The following RHBDD1 variants were observed in gnomAD, a reference collection of about 807,000 sequenced individuals.
RHBDD1 encodes the protein rhomboid-related protein 4.
Under a neutral mutation model 36.3 loss-of-function variants are expected in RHBDD1, and 38 were observed. That is an observed-to-expected ratio of 1.05 (90% CI 0.81 to 1.37). The LOEUF (loss-of-function observed/expected upper bound fraction) is 1.37. Ranked by LOEUF, RHBDD1 falls within the 40% of genes most tolerant of loss-of-function variation. The pLI is 0.00. For synonymous variants in RHBDD1, 151 were observed against 136.5 expected (o/e 1.11, Z -0.74); for missense variants, 393 against 377.6 (o/e 1.04, Z -0.34).
At chr2:226,824,179 TGA>T in the RHBDD1 span, among the ~76,000 whole-genome samples, 3 of 152,038 alleles carry the variant, frequency 2.0e-5, no homozygotes, top group African/African-American at 7.3e-5. Context: ...TACACACATA[TGA>T]GAGAGAATAT....
intron 8 of RHBDD1, among the ~76,000 whole-genome samples, chr2:226,942,812 C>A (rs867129275): frequency 3.9e-5 from 6 of 151,928 alleles, no homozygotes; most frequent in Middle Eastern, 3.4e-3. Context: ...TAATAGTTTT[C>A]CTTTTAGAAA....
At chr2:226,912,262 GA>G (rs1381846504) in intron 7 of RHBDD1, among the ~76,000 whole-genome samples, 1 of 152,110 alleles carries the variant, frequency 6.6e-6, no homozygotes, top group Non-Finnish European at 1.5e-5. Flanking sequence ...TGTAGGAATA[GA>G]AAATGGTACA....
At chr2:226,988,013 G>A (rs1482014203) in intron 8 of RHBDD1, among the ~76,000 whole-genome samples, 2 of 152,192 alleles carry the variant, frequency 1.3e-5, no homozygotes, top group African/African-American at 4.8e-5. Flanking sequence ...AAAAAGCTGA[G>A]AATGGGAGAA....
At chr2:226,937,907 G>A (rs1157762449) in intron 8 of RHBDD1, among the ~76,000 whole-genome samples, 2 of 152,122 alleles carry the variant, frequency 1.3e-5, no homozygotes, top group Non-Finnish European at 1.5e-5. Flanking sequence ...GAACATACAC[G>A]TGCATGTGTT....
chr2:226,902,126 C>T (rs1364418956), intron 5 of RHBDD1, among the ~76,000 whole-genome samples: 2 of 152,182 alleles, frequency 1.3e-5, no homozygotes, highest in African/African-American at 4.8e-5. Flanking sequence ...TTCCTAGTTG[C>T]AGGATTGTCC....
chr2:226,823,923 A>T, the RHBDD1 span, among the ~76,000 whole-genome samples: 1 of 152,190 alleles, frequency 6.6e-6, no homozygotes, highest in Non-Finnish European at 1.5e-5. Context: ...ACACTAATGT[A>T]TTCATGAAGG....
At chr2:226,829,723 A>G in the RHBDD1 span, among the ~76,000 whole-genome samples, 1 of 152,024 alleles carries the variant, frequency 6.6e-6, no homozygotes, top group Non-Finnish European at 1.5e-5. Flanking sequence ...AAACTTATTA[A>G]TTTTAGTAGT....
At chr2:226,878,336 T>A (rs529458423) in intron 5 of RHBDD1, among the ~76,000 whole-genome samples, 1 of 152,306 alleles carries the variant, frequency 6.6e-6, no homozygotes, top group Admixed American at 6.5e-5. Flanking sequence ...ATTTAGAAGA[T>A]AACTGTAACA....
intron 3 of RHBDD1, among the ~76,000 whole-genome samples, chr2:226,841,896 A>G (rs1574741859): frequency 6.6e-6 from 1 of 152,282 alleles, no homozygotes; most frequent in East Asian, 1.9e-4. Context: ...TGGTTGAACT[A>G]ACTTATACTT....
At chr2:226,925,740 T>C (rs1949623346) in intron 8 of RHBDD1, among the ~76,000 whole-genome samples, 1 of 152,244 alleles carries the variant, frequency 6.6e-6, no homozygotes, top group Non-Finnish European at 1.5e-5. Context: ...GAAACTAGTT[T>C]CGTGTGCTGT....
At chr2:226,851,286 C>T (rs941174579) in intron 3 of RHBDD1, among the ~76,000 whole-genome samples, 2 of 151,742 alleles carry the variant, frequency 1.3e-5, no homozygotes, top group African/African-American at 4.8e-5. Context: ...TGTGTGGGTT[C>T]TAAACACATA....
At chr2:226,886,275 A>G (rs576323516) in intron 5 of RHBDD1, among the ~76,000 whole-genome samples, 28 of 152,286 alleles carry the variant, frequency 1.8e-4, no homozygotes, top group African/African-American at 6.7e-4. Context: ...CTCAATAAAT[A>G]TTTGTTGAAT....
intron 3 of RHBDD1, among the ~76,000 whole-genome samples, chr2:226,853,349 G>A (rs757421372): frequency 6.6e-6 from 1 of 152,188 alleles, no homozygotes; most frequent in Non-Finnish European, 1.5e-5. Flanking sequence ...TAGAATTTTA[G>A]AAGATTTTTA....
chr2:226,948,564 T>TA (rs56325989), intron 8 of RHBDD1, among the ~76,000 whole-genome samples: 4,013 of 23,008 alleles, frequency 0.17, 155 homozygotes, highest in Non-Finnish European at 0.22. Flanking sequence ...ACTTAAAGTA[T>TA]AAAAAAAAAA....
intron 5 of RHBDD1, among the ~76,000 whole-genome samples, chr2:226,891,360 C>A (rs1946672869): frequency 6.6e-6 from 1 of 152,214 alleles, no homozygotes; most frequent in Admixed American, 6.5e-5. Context: ...CAATGTGGTA[C>A]CTTCCTTCAG....
At chr2:226,878,981 G>A (rs1945476689) in intron 5 of RHBDD1, among the ~76,000 whole-genome samples, 1 of 148,384 alleles carries the variant, frequency 6.7e-6, no homozygotes, top group Non-Finnish European at 1.5e-5. Context: ...CACCCATCAA[G>A]TAAGAGAGTT....
At chr2:226,907,048 A>G (rs751912451) in intron 6 of RHBDD1, 167 bp downstream of exon 6, 7 of 696,606 alleles carry the variant, frequency 1.0e-5, no homozygotes, top group East Asian at 2.7e-5. Context: ...AGTTCCTTAC[A>G]TTGCTCCACA....
chr2:226,905,744 G>A (rs568475698), intron 5 of RHBDD1, among the ~76,000 whole-genome samples: 1 of 152,254 alleles, frequency 6.6e-6, no homozygotes, highest in African/African-American at 2.4e-5. Context: ...GCCCAACACT[G>A]GGCATTTCCA....
chr2:226,858,893 G>A (rs748332998), intron 3 of RHBDD1, among the ~76,000 whole-genome samples: 3 of 152,038 alleles, frequency 2.0e-5, no homozygotes, highest in Admixed American at 6.5e-5. Flanking sequence ...TAATTAAAAT[G>A]CTATTTTTTG....
Sources: gnomAD v4.1 joint callset for allele counts (sites outside exome capture counted in the v4.1 genomes callset) on GRCh38, gnomAD v4.1.1 for gene constraint, MANE v1.5 for transcripts, NCBI Gene and HGNC (gene_info 2026-07-23, HGNC 2026-07-21) for gene names.